Variants in IL1RAPL2 observed in about 807,000 individuals in gnomAD.
IL1RAPL2 encodes the protein interleukin 1 receptor accessory protein like 2, also known as X-linked interleukin-1 receptor accessory protein-like 2.
A neutral mutation model predicts 44.1 loss-of-function variants in IL1RAPL2; 3 were observed. The observed-to-expected ratio is 0.07, with a 90% CI of 0.03 to 0.18. The LOEUF is 0.18. Ranked by LOEUF, IL1RAPL2 falls within the 10% of genes least tolerant of loss-of-function variation. IL1RAPL2 has a pLI of 1.00. For synonymous variants in IL1RAPL2, 181 were observed against 178.8 expected (o/e 1.01, Z -0.10); for missense variants, 391 against 496.4 (o/e 0.79, Z 2.02).
intron 5 of IL1RAPL2, among the ~76,000 whole-genome samples, chrX:105,365,688 G>A (rs536072260): frequency 9.0e-6 from 1 of 111,580 alleles, no homozygotes; most frequent in East Asian, 2.8e-4. Flanking sequence ...TTGATGTATA[G>A]TTTGTCATAG....
intron 7 of IL1RAPL2, among the ~76,000 whole-genome samples, chrX:105,732,076 T>A (rs1184445287): frequency 2.7e-5 from 3 of 111,612 alleles, no homozygotes; most frequent in African/African-American, 9.8e-5. Flanking sequence ...ATTAAAAATA[T>A]TACGTATTAA....
intron 2 of IL1RAPL2, among the ~76,000 whole-genome samples, chrX:104,731,553 C>T (rs1158491507): frequency 1.8e-5 from 2 of 110,534 alleles, no homozygotes; most frequent in African/African-American, 6.6e-5. Flanking sequence ...CAGGTGGGCA[C>T]AACCATGCCC....
chrX:105,154,032 T>G (rs1020381657), intron 2 of IL1RAPL2, among the ~76,000 whole-genome samples: 1 of 111,811 alleles, frequency 8.9e-6, no homozygotes, highest in Admixed American at 9.5e-5. Flanking sequence ...GAAGTATATT[T>G]GGGTGTAAAA....
chrX:105,282,208 A>G (rs2147664292), intron 5 of IL1RAPL2, among the ~76,000 whole-genome samples: 1 of 112,278 alleles, frequency 8.9e-6, no homozygotes, highest in Non-Finnish European at 1.9e-5. Context: ...AGCTGCTAAG[A>G]CAAAGCTGAG....
intron 6 of IL1RAPL2, among the ~76,000 whole-genome samples, chrX:105,649,004 A>G (rs2037625657): frequency 9.0e-6 from 1 of 111,445 alleles, no homozygotes; most frequent in South Asian, 3.8e-4. Flanking sequence ...AGCCTTTCAG[A>G]TTGCCTAAGT....
chrX:105,314,154 A>G (rs1195967818), intron 5 of IL1RAPL2, among the ~76,000 whole-genome samples: 2 of 111,736 alleles, frequency 1.8e-5, no homozygotes, highest in Non-Finnish European at 3.8e-5. Flanking sequence ...AGATTATCTT[A>G]GATGAAGAGA....
At chrX:105,654,566 G>C in intron 6 of IL1RAPL2, among the ~76,000 whole-genome samples, 1 of 111,728 alleles carries the variant, frequency 9.0e-6, no homozygotes, top group Non-Finnish European at 1.9e-5. Flanking sequence ...GGTCCTATTT[G>C]ACTATTTTCA....
At chrX:105,023,454 TTTA>T (rs1279884662) in intron 2 of IL1RAPL2, among the ~76,000 whole-genome samples, 2 of 111,383 alleles carry the variant, frequency 1.8e-5, no homozygotes, top group Non-Finnish European at 3.8e-5. Context: ...TCTTATTCTG[TTTA>T]TTATCTGTCT....
intron 2 of IL1RAPL2, among the ~76,000 whole-genome samples, chrX:105,026,711 T>C (rs762375077): frequency 8.8e-4 from 98 of 111,027 alleles, no homozygotes; most frequent in Non-Finnish European, 1.3e-3. Flanking sequence ...AATGGAAAGA[T>C]ATTCCATGTT....
chrX:104,804,388 C>A, intron 2 of IL1RAPL2: 1 of 114,344 alleles, frequency 8.7e-6, no homozygotes, highest in South Asian at 3.0e-4. Flanking sequence ...CCTGCATTGT[C>A]AACACAAGCC....
chrX:104,964,241 T>A (rs1569352398), intron 2 of IL1RAPL2, among the ~76,000 whole-genome samples: 1 of 111,191 alleles, frequency 9.0e-6, no homozygotes, highest in African/African-American at 3.3e-5. Flanking sequence ...TTTTATATTG[T>A]GTTACCTGCC....
At chrX:105,723,660 G>T (rs2038326029) in intron 7 of IL1RAPL2, among the ~76,000 whole-genome samples, 1 of 111,313 alleles carries the variant, frequency 9.0e-6, no homozygotes, top group Non-Finnish European at 1.9e-5. Flanking sequence ...AGTTCTCAAG[G>T]CTGGGAAGTC....
intron 5 of IL1RAPL2, among the ~76,000 whole-genome samples, chrX:105,463,559 C>CTCTG (rs1280030737): frequency 1.9e-5 from 1 of 51,317 alleles, no homozygotes; most frequent in African/African-American, 6.7e-5. Context: ...CTCTCTGTCT[C>CTCTG]TCTCTCTCTC....
intron 2 of IL1RAPL2, among the ~76,000 whole-genome samples, chrX:104,807,108 G>A (rs900362046): frequency 9.0e-6 from 1 of 111,085 alleles, no homozygotes; most frequent in Non-Finnish European, 1.9e-5. Flanking sequence ...TCAGGTTTCT[G>A]CAAATTTCCT....
chrX:105,187,440 TA>T (rs1276614684), intron 2 of IL1RAPL2, among the ~76,000 whole-genome samples: 30 of 109,572 alleles, frequency 2.7e-4, no homozygotes, highest in South Asian at 7.7e-4. Flanking sequence ...ATTCTTCTAT[TA>T]AAAAAAAACA....
At chrX:104,882,438 A>T (rs939890039) in intron 2 of IL1RAPL2, among the ~76,000 whole-genome samples, 1 of 112,260 alleles carries the variant, frequency 8.9e-6, no homozygotes, top group Non-Finnish European at 1.9e-5. Context: ...TTTTAACAAT[A>T]ACTTTCAACA....
intron 6 of IL1RAPL2, among the ~76,000 whole-genome samples, chrX:105,676,621 T>C (rs1231527688): frequency 8.9e-6 from 1 of 112,106 alleles, no homozygotes. Flanking sequence ...CTTGAACATC[T>C]ATGTCTCTAA....
At chrX:104,684,385 G>A (rs1418342090) in intron 2 of IL1RAPL2, among the ~76,000 whole-genome samples, 1 of 112,023 alleles carries the variant, frequency 8.9e-6, no homozygotes, top group Admixed American at 9.5e-5. Context: ...TAGTAAGTTG[G>A]CTCTAGCTCA....
intron 1 of IL1RAPL2, among the ~76,000 whole-genome samples, chrX:104,635,937 A>G (rs202124651): frequency 9.2e-6 from 1 of 108,860 alleles, no homozygotes; most frequent in Non-Finnish European, 1.9e-5. Context: ...TAGAGTTTCC[A>G]GTTTTTCTGC....
Sources: gnomAD v4.1 joint callset for allele counts (sites outside exome capture counted in the v4.1 genomes callset) on GRCh38, gnomAD v4.1.1 for gene constraint, MANE v1.5 for transcripts, NCBI Gene and HGNC (gene_info 2026-07-23, HGNC 2026-07-21) for gene names.